CLASP2: variants seen among roughly 807,000 people sequenced by gnomAD.
CLASP2 encodes CLIP-associating protein 2.
In CLASP2, 47 loss-of-function variants were observed where a neutral mutation model predicts 194.4. The observed-to-expected ratio is 0.24, with a 90% confidence interval of 0.19 to 0.31. CLASP2 has a LOEUF of 0.31. Among genes scored for constraint, CLASP2 ranks in the 10% least tolerant of loss-of-function variants. The pLI is 1.00. For missense variants in CLASP2, 1,445 were observed against 1,823.6 expected, an observed-to-expected ratio of 0.79 and a Z score of 3.78; for synonymous variants, 619 against 633.5, an observed-to-expected ratio of 0.98 and a Z score of 0.34.
chr3:33,715,847 TAAAAAA>T lies in CLASP2; in HGVS notation c.195+1955_195+1960del, dbSNP rs59528446. On this transcript the variant is annotated intron_variant, in intron 1 of 38. Transcript: ENST00000682230. ...TAAGTATGTTTTATTGTATCTTAAG[TAAAAAA>T]AAAAAAAAAAAAAAAAAAAAAAGAT... Among the ~76,000 whole-genome samples the T allele has an allele frequency of 7.0e-3, 436 of 62,204 alleles. 2 individuals carry two copies. Among genetic ancestry groups the T allele is most frequent in the African/African-American group, 0.027 (409 of 15,426 alleles). The allele number at this position is 62,204 out of a possible 152,430, so 40.8% of individuals were successfully genotyped here.
At chr3:33,573,404 T>C in intron 24 of CLASP2, 50 bp from the exon 25 acceptor site, 1 of 1,575,228 alleles carries the variant, frequency 6.3e-7, no homozygotes, top group Non-Finnish European at 8.7e-7. Flanking sequence ...AATATATTGG[T>C]ATTTCATAAT....
chr3:33,611,629 G>A (rs1324749375), intron 13 of CLASP2, among the ~76,000 whole-genome samples: 1 of 152,078 alleles, frequency 6.6e-6, no homozygotes, highest in Non-Finnish European at 1.5e-5. Flanking sequence ...GACATTATTA[G>A]CTCTACTAAC....
intron 21 of CLASP2, 149 bp from the exon 22 acceptor site, chr3:33,585,069 T>C (rs574912604): frequency 4.7e-5 from 28 of 592,374 alleles, no homozygotes; most frequent in African/African-American, 4.4e-4. Context: ...CGAGGAAGAT[T>C]TAAATATAAT....
At chr3:33,559,871 G>GC (rs902949240) in intron 28 of CLASP2, among the ~76,000 whole-genome samples, 12 of 152,026 alleles carry the variant, frequency 7.9e-5, no homozygotes, top group Non-Finnish European at 1.0e-4. Flanking sequence ...TCCAGCATGG[G>GC]CAACAAGAGT....
In CLASP2 at chr3:33,501,740, C is replaced by T; in HGVS notation, c.4346G>A (p.Arg1449Gln). Residue 1449 changes from arginine to glutamine, a missense_variant, in exon 38 of 39, where the codon CGG becomes CAG. Physicochemically the swap from Arg to Gln is conservative, Grantham distance 43. Around this residue, in one of 4 missense-constraint regions of CLASP2, gnomAD observed 732 missense variants for 987.9 expected, o/e 0.74. Transcript: ENST00000682230. ...QGYDNSESSV[R>Q]KACVFCLVAV... Reference sequence around the variant, plus strand: ...CACCAGGCAGAAGACACAAGCTTTCCGAACACTGCTCTCTGAATTATCATA... The same window carrying T: ...CACCAGGCAGAAGACACAAGCTTTCTGAACACTGCTCTCTGAATTATCATA... 6.2e-7 allele frequency: 1 copy of T among 1,613,432 alleles called. No individual in the cohort carries two copies. The highest frequency in any genetic ancestry group is 8.5e-7 in the Non-Finnish European group (1 of 1,179,536).
At chr3:33,674,230 T>C (rs2088026394) in intron 6 of CLASP2, among the ~76,000 whole-genome samples, 1 of 151,788 alleles carries the variant, frequency 6.6e-6, no homozygotes, top group South Asian at 2.1e-4. Flanking sequence ...GAACAGAAAT[T>C]ATAACAAACT....
At chr3:33,559,501 T>C in intron 28 of CLASP2, 116 bp from the exon 29 acceptor site, 1 of 652,838 alleles carries the variant, frequency 1.5e-6, no homozygotes. Context: ...ATCCATGAAG[T>C]AGTATCTGCA....
At chr3:33,610,808 A>C (rs1349666287) in intron 13 of CLASP2, among the ~76,000 whole-genome samples, 1 of 152,228 alleles carries the variant, frequency 6.6e-6, no homozygotes, top group African/African-American at 2.4e-5. Flanking sequence ...CTGACATAAG[A>C]CAGAGATGAC....
intron 8 of CLASP2, among the ~76,000 whole-genome samples, chr3:33,634,924 A>T (rs2079832437): frequency 6.6e-6 from 1 of 152,120 alleles, no homozygotes. Context: ...AGAGTGAAAA[A>T]ATTTGGGAAA....
chr3:33,707,085 G>C (rs2092721395), intron 1 of CLASP2, among the ~76,000 whole-genome samples: 1 of 152,152 alleles, frequency 6.6e-6, no homozygotes, highest in South Asian at 2.1e-4. Context: ...GCAGTTTCCA[G>C]GCACCTCTTC....
intron 24 of CLASP2, 59 bp downstream of exon 24, chr3:33,576,110 C>T: frequency 7.5e-7 from 1 of 1,331,470 alleles, no homozygotes; most frequent in Non-Finnish European, 1.1e-6. Flanking sequence ...GACTGGCCTA[C>T]TCATTCAACA....
At chr3:33,525,776 A>G (rs79129351) in intron 34 of CLASP2, among the ~76,000 whole-genome samples, 2 of 152,232 alleles carry the variant, frequency 1.3e-5, no homozygotes, top group Non-Finnish European at 2.9e-5. Flanking sequence ...ACCCCTGTAC[A>G]TAGCCTTAGG....
At chr3:33,585,427 G>A (rs2067133280) in intron 21 of CLASP2, among the ~76,000 whole-genome samples, 1 of 152,038 alleles carries the variant, frequency 6.6e-6, no homozygotes, top group Non-Finnish European at 1.5e-5. Flanking sequence ...AGATCTATAT[G>A]GTATATAGCT....
rs1213900550 is a variant in CLASP2, at chr3:33,672,235, TCTGAGAC to T, written c.645-8727_645-8721del. Among the ~76,000 whole-genome samples, 4 of 152,116 alleles carry T rather than the reference TCTGAGAC, an allele frequency of 2.6e-5. No individual in the cohort carries two copies. In the East Asian group the frequency reaches 7.7e-4, roughly 29 times the overall value. On this transcript the variant is annotated intron_variant, in intron 6 of 38. Coordinates refer to ENST00000682230, the MANE Select transcript of CLASP2 (RefSeq NM_001365631.1). ...GACACCTCACATGGCCGGGGACTCC[TCTGAGAC>T]AAAACTTCCAGAGGAACGAGCTGAC... is the stretch of plus-strand genomic sequence containing the variant.
Position 33,644,737 on chromosome 3 carries a change from T to C in CLASP2, c.862+20A>G. 2 of 1,612,342 alleles carry C rather than the reference T, an allele frequency of 1.2e-6. No homozygotes were observed. Among genetic ancestry groups the C allele is most frequent in the Non-Finnish European group, 1.7e-6 (2 of 1,179,234 alleles). On this transcript the variant is annotated intron_variant, in intron 8 of 38. Transcript: ENST00000682230. ...AGGGCATGGAGCATGCATAACAGAT[T>C]TGAAATGGATTTACATTACCTCCAA...
chr3:33,704,533 C>G (rs2092573439), intron 1 of CLASP2, among the ~76,000 whole-genome samples: 1 of 152,036 alleles, frequency 6.6e-6, no homozygotes, highest in East Asian at 1.9e-4. Context: ...GGGTGGATCA[C>G]CTGAGGTCAG....
chr3:33,684,201 C>T lies in CLASP2; in HGVS notation c.644+158G>A, dbSNP rs535189754. On this transcript the variant is annotated intron_variant, in intron 6 of 38. Transcript: ENST00000682230. ...CAGAGGTTGTGGTGAGCCAAGATCGCGCCATTGCACTCCAGCCTGGGCAAC... is the reference window on the plus strand; with the variant it reads ...CAGAGGTTGTGGTGAGCCAAGATCGTGCCATTGCACTCCAGCCTGGGCAAC... Among the ~76,000 whole-genome samples, 5 of 151,222 alleles carry T rather than the reference C, an allele frequency of 3.3e-5. No homozygotes were observed. The South Asian group carries it at 6.3e-4, about 19-fold the overall frequency.
chr3:33,717,841 C>G lies in CLASP2; in HGVS notation c.162G>C (p.Ala54=). 1 of 1,564,250 alleles carries G rather than the reference C, an allele frequency of 6.4e-7. No homozygotes were observed. Among genetic ancestry groups the G allele is most frequent in the Non-Finnish European group, 8.7e-7 (1 of 1,155,042 alleles). ...TGCTCGAACCCACCCAGCCGGTGAG[C>G]GCGTCGACTGTCTTGCCTAGGCGGC... The part of the protein sequence containing the change: ...DLGRLGKTVD[A]LTGWVGSSNY... Residue 54 remains alanine, a synonymous_variant, in exon 1 of 39, where the codon GCG becomes GCC. Coordinates refer to ENST00000682230, the MANE Select transcript of CLASP2 (RefSeq NM_001365631.1).
intron 18 of CLASP2, among the ~76,000 whole-genome samples, chr3:33,601,326 C>T (rs1294447156): frequency 1.3e-5 from 2 of 152,126 alleles, no homozygotes; most frequent in Non-Finnish European, 2.9e-5. Flanking sequence ...GTTATAGTTA[C>T]AGGTCTATCA....
Sources: allele counts gnomAD v4.1 joint callset (sites outside exome capture counted in the v4.1 genomes callset), GRCh38; gene constraint gnomAD v4.1.1; regional missense constraint gnomAD v4.1.1; transcripts MANE v1.5; gene names NCBI Gene and HGNC (gene_info 2026-07-23, HGNC 2026-07-21).